Variants in PCDHA1 observed in about 807,000 individuals in gnomAD.
PCDHA1 encodes protocadherin alpha-1.
In PCDHA1, 42 loss-of-function variants were observed where a neutral mutation model predicts 61.3. That is an observed-to-expected ratio of 0.69 (90% CI 0.54 to 0.89). PCDHA1 has a LOEUF of 0.89. PCDHA1 is among the 40% of genes least tolerant of loss of function. The pLI is 0.00. For synonymous variants in PCDHA1, 610 were observed against 553.8 expected (o/e 1.10, Z -1.43); for missense variants, 1,256 against 1,235.3 (o/e 1.02, Z -0.25).
rs1282110712 is a variant in PCDHA1, at chr5:140,926,177, A to G, written c.2395-52772A>G. Among the ~76,000 whole-genome samples the G allele has an allele frequency of 2.0e-5, 3 of 151,672 alleles. No individual in the cohort carries two copies. The South Asian group carries it at 6.6e-4, about 34-fold the overall frequency. On this transcript the variant is annotated intron_variant, in intron 1 of 3. Coordinates refer to ENST00000504120, the MANE Select transcript of PCDHA1 (RefSeq NM_018900.4). ...CTCTGCAGCAGGATCCAGCGCGGAA[A>G]GCCCCCCGCAGCACTTCTTTCGGGG...
At chr5:140,843,096 C>G (rs2150352451) in intron 1 of PCDHA1, 2 of 1,595,598 alleles carry the variant, frequency 1.3e-6, no homozygotes, top group Non-Finnish European at 8.6e-7. Flanking sequence ...CACGTGGTAG[C>G]GAAGGTGCGC....
At chr5:140,828,417 T>C (rs2150155099) in intron 1 of PCDHA1, 1 of 1,614,214 alleles carries the variant, frequency 6.2e-7, no homozygotes, top group South Asian at 1.1e-5. Context: ...CTGGAGGTGA[T>C]CGTGGACAGG....
rs564306575 is a variant in PCDHA1, at chr5:140,927,833, A to G, written c.2395-51116A>G. On this transcript the variant is annotated intron_variant, in intron 1 of 3. Coordinates refer to ENST00000504120, the MANE Select transcript of PCDHA1 (RefSeq NM_018900.4). Reference sequence around the variant, plus strand: ...TTGGAGGCATACATTGAGGCGAGGGACGAAGGTGTCTTTGGTTTAGCTAGC... The same window carrying G: ...TTGGAGGCATACATTGAGGCGAGGGGCGAAGGTGTCTTTGGTTTAGCTAGC... 5.0e-6 allele frequency: 8 copies of G among 1,614,044 alleles called. No individual in the cohort carries two copies. Among genetic ancestry groups the G allele is most frequent in the African/African-American group, 4.0e-5 (3 of 74,914 alleles).
chr5:140,802,100 A>G, intron 1 of PCDHA1: 1 of 1,614,234 alleles, frequency 6.2e-7, no homozygotes, highest in East Asian at 2.2e-5. Flanking sequence ...TCAATGGACA[A>G]ATCAGTGTAA....
chr5:140,863,326 G>T (rs782427157), intron 1 of PCDHA1: 3 of 1,432,470 alleles, frequency 2.1e-6, no homozygotes, highest in Non-Finnish European at 2.9e-6. Context: ...CAGCCTGTTA[G>T]TGCTCACGTT....
intron 1 of PCDHA1, chr5:140,842,100 C>G: frequency 1.2e-6 from 2 of 1,613,850 alleles, no homozygotes; most frequent in Non-Finnish European, 1.7e-6. Flanking sequence ...AACGGAACAA[C>G]AGTTATCAAA....
At chr5:140,883,844 G>T (rs1404353270) in intron 1 of PCDHA1, 10 of 1,612,718 alleles carry the variant, frequency 6.2e-6, no homozygotes, top group South Asian at 1.1e-5. Flanking sequence ...GTTGGACCAC[G>T]AGGAGCTGGA....
At chr5:140,807,978 T>A in intron 1 of PCDHA1, 4 of 1,613,852 alleles carry the variant, frequency 2.5e-6, no homozygotes, top group Non-Finnish European at 3.4e-6. Context: ...GTAATTAAAC[T>A]TAACGCCTCA....
chr5:140,938,309 A>T (rs1379097876), intron 1 of PCDHA1, among the ~76,000 whole-genome samples: 1 of 152,216 alleles, frequency 6.6e-6, no homozygotes, highest in African/African-American at 2.4e-5. Flanking sequence ...AATTCAGTAT[A>T]AAATTGAATA....
At chr5:140,848,855 C>T (rs2150422696) in intron 1 of PCDHA1, 6 of 1,590,444 alleles carry the variant, frequency 3.8e-6, no homozygotes, top group Non-Finnish European at 5.2e-6. Context: ...TCCATGTGGA[C>T]GTGGAGGTGA....
intron 1 of PCDHA1, chr5:140,870,816 C>A: frequency 4.3e-6 from 7 of 1,613,668 alleles, no homozygotes; most frequent in Admixed American, 1.7e-5. Flanking sequence ...AGGCTGGCAG[C>A]GCGGGAGGCG....
In PCDHA1 at chr5:140,825,021, A is replaced by G. The variant is rs193145934; in HGVS notation, c.2394+36337A>G. The stretch of plus-strand genomic sequence containing the variant: ...ATGGTTTACTGTTCTAAAGGTGCAA[A>G]AGAATACAGTTAAATTTTCCCTTTC... On this transcript the variant is annotated intron_variant, in intron 1 of 3. Coordinates refer to ENST00000504120, the MANE Select transcript of PCDHA1 (RefSeq NM_018900.4). 2.8e-3 allele frequency: 423 copies of G among 152,172 alleles called. 3 individuals are homozygous for G. Among genetic ancestry groups the G allele is most frequent in the African/African-American group, 9.5e-3 (394 of 41,534 alleles). 9.4% of individuals were successfully genotyped at this position (152,172 alleles called of 1,614,324 possible). A position where few individuals can be genotyped will look rare whatever the true frequency, so the allele number is the denominator to read the frequency against.
chr5:140,914,590 T>C (rs886666163), intron 1 of PCDHA1, among the ~76,000 whole-genome samples: 1 of 152,208 alleles, frequency 6.6e-6, no homozygotes, highest in African/African-American at 2.4e-5. Flanking sequence ...TTCATTTAAG[T>C]AGGAACTTCC....
rs1276527316 is a variant in PCDHA1 at position 140,788,136 on chromosome 5, G to A, written c.1846G>A (p.Gly616Ser). 6.2e-7 allele frequency: 1 copy of A among 1,613,858 alleles called. No homozygotes were observed. The highest frequency in any genetic ancestry group is 8.5e-7 in the Non-Finnish European group (1 of 1,179,918). ...WLSYELQPAA[G>S]GARIPFRVGL... ...GTCCTATGAACTGCAGCCGGCAGCAGGCGGCGCGCGCATCCCGTTCCGCGT... is the reference window on the plus strand; with the variant it reads ...GTCCTATGAACTGCAGCCGGCAGCAAGCGGCGCGCGCATCCCGTTCCGCGT... Residue 616 changes from glycine (G) to serine (S), a missense_variant, in exon 1 of 4, where the codon GGC becomes AGC. Physicochemically the swap from Gly to Ser is moderately conservative, Grantham distance 56. Transcript: ENST00000504120.
At chr5:140,895,851 C>T (rs2065201261) in intron 1 of PCDHA1, among the ~76,000 whole-genome samples, 1 of 152,078 alleles carries the variant, frequency 6.6e-6, no homozygotes, top group Admixed American at 6.6e-5. Flanking sequence ...CACTCTTGTA[C>T]CCCAGGCTGG....
intron 1 of PCDHA1, among the ~76,000 whole-genome samples, chr5:140,872,595 C>G (rs1048527578): frequency 6.6e-6 from 1 of 152,102 alleles, no homozygotes; most frequent in African/African-American, 2.4e-5. Flanking sequence ...AGACCCCCAT[C>G]TGAAAAAATA....
rs1269822488 is a variant in PCDHA1 at position 140,787,277 on chromosome 5, G to A, written c.987G>A (p.Pro329=). ...QVKAVDKGSP[P]MSNHCKVLVK... ...AGGCAGTTGATAAAGGAAGTCCTCC[G>A]ATGTCAAATCACTGTAAGGTTTTGG... The change falls in exon 1 of 4, where the codon CCG becomes CCA. Residue 329 remains proline (P), a synonymous_variant. Coordinates refer to ENST00000504120, the MANE Select transcript of PCDHA1 (RefSeq NM_018900.4). 5.0e-6 allele frequency: 8 copies of A among 1,614,066 alleles called. No individual in the cohort carries two copies. Among genetic ancestry groups the A allele is most frequent in the Admixed American group, 1.7e-5 (1 of 60,004 alleles).
chr5:140,808,573 G>A (rs782400462), intron 1 of PCDHA1: 4 of 1,613,964 alleles, frequency 2.5e-6, no homozygotes, highest in South Asian at 2.2e-5. Context: ...AGTACACAGT[G>A]TTCGTGAAGG....
At chr5:140,969,606 C>T (rs2096345912) in intron 1 of PCDHA1, 1 of 758,598 alleles carries the variant, frequency 1.3e-6, no homozygotes, top group South Asian at 2.1e-5. Context: ...AATGCTAAAA[C>T]ACAGATTTGT....
Sources: gnomAD v4.1 joint callset for allele counts (sites outside exome capture counted in the v4.1 genomes callset) on GRCh38, gnomAD v4.1.1 for gene constraint, MANE v1.5 for transcripts, NCBI Gene and HGNC (gene_info 2026-07-23, HGNC 2026-07-21) for gene names.